KCNK2: variants seen among roughly 807,000 people sequenced by gnomAD.
The protein encoded by KCNK2 is potassium two pore domain channel subfamily K member 2.
KCNK2 carries 21 observed loss-of-function variants against 40.5 expected under a neutral mutation model. The observed-to-expected ratio is 0.52, with a 90% CI of 0.37 to 0.75. The LOEUF (loss-of-function observed/expected upper bound fraction) is 0.75, where lower values mean the gene tolerates loss of function less well. Among genes scored for constraint, KCNK2 ranks in the 30% least tolerant of loss-of-function variants. The pLI is 0.00. For missense variants in KCNK2, 399 were observed against 531.6 expected, an observed-to-expected ratio of 0.75 and a Z score of 2.45; for synonymous variants, 191 against 202.2, an observed-to-expected ratio of 0.94 and a Z score of 0.47.
intron 1 of KCNK2, among the ~76,000 whole-genome samples, chr1:215,051,454 T>G (rs1657987392): frequency 6.6e-6 from 1 of 152,260 alleles, no homozygotes; most frequent in Admixed American, 6.5e-5. Context: ...GTGGGTGTAC[T>G]ATAAAATTGT....
At chr1:215,185,111 T>C (rs17024370) in intron 5 of KCNK2, among the ~76,000 whole-genome samples, 8,505 of 140,644 alleles carry the variant, frequency 0.06, 261 homozygotes, top group Middle Eastern at 0.15. Context: ...TATTATATTG[T>C]TACCCATCTT....
chr1:215,177,740 A>ATATATGTGTATATATATATATATATATAT (rs71167812), intron 5 of KCNK2, among the ~76,000 whole-genome samples: 3 of 101,600 alleles, frequency 3.0e-5, no homozygotes, highest in African/African-American at 1.1e-4. Context: ...ATATATATAT[A>ATATATGTGTATATATATATATATATATAT]TTTTTTTTTT....
intron 1 of KCNK2, among the ~76,000 whole-genome samples, chr1:215,061,150 A>G (rs1658349736): frequency 6.6e-6 from 1 of 152,076 alleles, no homozygotes; most frequent in Non-Finnish European, 1.5e-5. Flanking sequence ...AAACTTTGCA[A>G]TTTTATCTAA....
At chr1:215,171,404 G>C (rs1369869865) in intron 4 of KCNK2, among the ~76,000 whole-genome samples, 1 of 152,042 alleles carries the variant, frequency 6.6e-6, no homozygotes. Flanking sequence ...GTTCATGTTG[G>C]AATCAAACTG....
At chr1:215,082,054 T>C (rs1433637146), upstream of KCNK2, 1 of 152,176 alleles carries the variant, frequency 6.6e-6, no homozygotes, top group African/African-American at 2.4e-5. Flanking sequence ...AAACCTATGT[T>C]TCCAGCAAAG....
chr1:215,174,451 C>T (rs1332144197), intron 5 of KCNK2, among the ~76,000 whole-genome samples: 5 of 152,188 alleles, frequency 3.3e-5, no homozygotes, highest in South Asian at 2.1e-4. Context: ...CTTGGCAATG[C>T]GGGCTCTTTT....
intron 1 of KCNK2, among the ~76,000 whole-genome samples, chr1:215,006,997 CTATATATATA>C (rs199497700): frequency 0.02 from 1,614 of 81,664 alleles, 107 homozygotes; most frequent in African/African-American, 0.099. Flanking sequence ...GACCAATTCA[CTATATATATA>C]TATATATATA....
intron 6 of KCNK2, among the ~76,000 whole-genome samples, chr1:215,216,583 A>G (rs1438886084): frequency 7.6e-6 from 1 of 131,216 alleles, no homozygotes; most frequent in Non-Finnish European, 1.7e-5. Flanking sequence ...AAAAATAGAA[A>G]TGCAAGCCAC....
At chr1:215,216,168 G>A (rs1225127934) in intron 6 of KCNK2, among the ~76,000 whole-genome samples, 2 of 151,844 alleles carry the variant, frequency 1.3e-5, no homozygotes, top group African/African-American at 4.8e-5. Context: ...AATAGGATGA[G>A]GGATATTTCT....
At chr1:215,084,019 A>C (rs748003608) in intron 1 of KCNK2, among the ~76,000 whole-genome samples, 1 of 152,192 alleles carries the variant, frequency 6.6e-6, no homozygotes, top group Non-Finnish European at 1.5e-5. Context: ...CCCTGTATTA[A>C]AGATAAAAGT....
chr1:215,212,157 G>A (rs1028419449), intron 6 of KCNK2, among the ~76,000 whole-genome samples: 4 of 152,068 alleles, frequency 2.6e-5, no homozygotes, highest in Admixed American at 2.6e-4. Flanking sequence ...AAAATGTCAG[G>A]AATATTTCAT....
intron 3 of KCNK2, among the ~76,000 whole-genome samples, chr1:215,133,477 G>A (rs1032748978): frequency 6.6e-6 from 1 of 152,136 alleles, no homozygotes; most frequent in Admixed American, 6.5e-5. Context: ...CTCTGAATGT[G>A]ATTAAAACTA....
chr1:215,062,806 C>T (rs1441152548), intron 1 of KCNK2, among the ~76,000 whole-genome samples: 1 of 151,934 alleles, frequency 6.6e-6, no homozygotes, highest in Admixed American at 6.6e-5. Context: ...CATTTATTCA[C>T]TCTTTAAACA....
chr1:215,174,259 C>G (rs975385332), intron 5 of KCNK2, among the ~76,000 whole-genome samples: 21 of 152,002 alleles, frequency 1.4e-4, no homozygotes, highest in African/African-American at 5.1e-4. Flanking sequence ...TTTGTCAGGT[C>G]TGTCAAAGAT....
intron 6 of KCNK2, among the ~76,000 whole-genome samples, chr1:215,226,285 A>G (rs945249526): frequency 6.6e-6 from 1 of 152,064 alleles, no homozygotes; most frequent in Non-Finnish European, 1.5e-5. Flanking sequence ...TGAAATTGTT[A>G]ACATATCTTT....
intron 6 of KCNK2, among the ~76,000 whole-genome samples, chr1:215,208,646 G>T (rs542630223): frequency 2.6e-5 from 4 of 152,140 alleles, no homozygotes; most frequent in African/African-American, 9.6e-5. Context: ...AAAATGCTAC[G>T]TATGAAATAT....
chr1:215,023,244 G>T (rs1307566894), intron 1 of KCNK2, among the ~76,000 whole-genome samples: 1 of 152,090 alleles, frequency 6.6e-6, no homozygotes, highest in Non-Finnish European at 1.5e-5. Flanking sequence ...CCTGTATGGT[G>T]AGAGAATGAA....
intron 6 of KCNK2, among the ~76,000 whole-genome samples, chr1:215,200,438 A>T (rs1227815615): frequency 6.6e-6 from 1 of 152,174 alleles, no homozygotes; most frequent in Non-Finnish European, 1.5e-5. Context: ...TGGGCCCTGG[A>T]AAGTTTGCAG....
intron 1 of KCNK2, among the ~76,000 whole-genome samples, chr1:215,053,652 C>G (rs1392328223): frequency 6.6e-6 from 1 of 152,202 alleles, no homozygotes; most frequent in African/African-American, 2.4e-5. Flanking sequence ...TGCTTCCTCT[C>G]TTTTGCATTG....
Sources: gnomAD v4.1 joint callset for allele counts (sites outside exome capture counted in the v4.1 genomes callset) on GRCh38, gnomAD v4.1.1 for gene constraint, MANE v1.5 for transcripts, NCBI Gene and HGNC (gene_info 2026-07-23, HGNC 2026-07-21) for gene names.